The following PHACTR1 variants were observed in gnomAD, a reference collection of about 807,000 sequenced individuals.
PHACTR1 encodes the protein RPEL repeat containing 1.
A neutral mutation model predicts 69.2 loss-of-function variants in PHACTR1; 16 were observed. That is an observed-to-expected ratio of 0.23 (90% CI 0.16 to 0.35). The LOEUF (loss-of-function observed/expected upper bound fraction) is 0.35. Among genes scored for constraint, PHACTR1 ranks in the 10% least tolerant of loss-of-function variants. The pLI, the probability that PHACTR1 is intolerant of heterozygous loss-of-function variation, is 1.00. For synonymous variants in PHACTR1, 312 were observed against 284.5 expected, an observed-to-expected ratio of 1.10 and a Z score of -0.97; for missense variants, 510 against 734.7, an observed-to-expected ratio of 0.69 and a Z score of 3.54.
At chr6:13,191,955 T>G (rs373394726) in intron 7 of PHACTR1, among the ~76,000 whole-genome samples, 4 of 152,360 alleles carry the variant, frequency 2.6e-5, no homozygotes, top group African/African-American at 9.6e-5. Flanking sequence ...TTAAAACAGT[T>G]TTTAAAGGAT....
intron 4 of PHACTR1, among the ~76,000 whole-genome samples, chr6:12,782,946 T>A (rs1257748120): frequency 6.6e-6 from 1 of 152,236 alleles, no homozygotes; most frequent in Non-Finnish European, 1.5e-5. Context: ...GTGTTCAACC[T>A]ATATTATTCC....
chr6:12,774,287 C>T (rs1022329218), intron 4 of PHACTR1, among the ~76,000 whole-genome samples: 8 of 152,122 alleles, frequency 5.3e-5, no homozygotes, highest in African/African-American at 1.7e-4. Flanking sequence ...CTCAACAGCA[C>T]GGTAAACTCC....
At chr6:13,207,552 T>C (rs1766124331) in intron 8 of PHACTR1, among the ~76,000 whole-genome samples, 1 of 152,114 alleles carries the variant, frequency 6.6e-6, no homozygotes. Context: ...TCAAACTGGT[T>C]CTCAATTACT....
At chr6:12,801,250 G>A (rs1554140909) in intron 4 of PHACTR1, among the ~76,000 whole-genome samples, 1 of 152,196 alleles carries the variant, frequency 6.6e-6, no homozygotes, top group Non-Finnish European at 1.5e-5. Flanking sequence ...AATCATAGAA[G>A]AACACCATCT....
intron 10 of PHACTR1, chr6:13,267,599 T>C (rs1776938342): frequency 6.6e-6 from 1 of 152,144 alleles, no homozygotes; most frequent in Non-Finnish European, 1.5e-5. Flanking sequence ...GAGGATATTT[T>C]ATTACATGCC....
intron 10 of PHACTR1, among the ~76,000 whole-genome samples, chr6:13,235,422 A>G (rs541981031): frequency 6.6e-6 from 1 of 152,342 alleles, no homozygotes; most frequent in South Asian, 2.1e-4. Context: ...TACTCCAAAA[A>G]ATCAGTATTA....
intron 4 of PHACTR1, among the ~76,000 whole-genome samples, chr6:12,931,888 G>A (rs1788913943): frequency 6.6e-6 from 1 of 151,850 alleles, no homozygotes; most frequent in South Asian, 2.1e-4. Flanking sequence ...TTGGTACTCA[G>A]ATTTCACTCA....
chr6:12,807,645 C>A (rs7762547), intron 4 of PHACTR1, among the ~76,000 whole-genome samples: 67,200 of 152,030 alleles, frequency 0.44, 15,629 homozygotes, highest in African/African-American at 0.55. Flanking sequence ...CTCTGATCGA[C>A]ACTCTCATAC....
chr6:12,861,573 T>A (rs1375185881), intron 4 of PHACTR1, among the ~76,000 whole-genome samples: 1 of 152,220 alleles, frequency 6.6e-6, no homozygotes, highest in Non-Finnish European at 1.5e-5. Flanking sequence ...GAAGAATAGC[T>A]CAATGAAACA....
chr6:12,896,574 G>C (rs1252152892), intron 4 of PHACTR1, among the ~76,000 whole-genome samples: 1 of 152,090 alleles, frequency 6.6e-6, no homozygotes, highest in African/African-American at 2.4e-5. Flanking sequence ...CAGTGCCATG[G>C]GACAGAAAAC....
intron 4 of PHACTR1, among the ~76,000 whole-genome samples, chr6:12,835,899 T>A (rs888165678): frequency 2.0e-5 from 3 of 152,284 alleles, no homozygotes; most frequent in African/African-American, 7.2e-5. Context: ...AAATTTCACA[T>A]ATACTAATTT....
intron 4 of PHACTR1, among the ~76,000 whole-genome samples, chr6:13,018,344 A>T (rs1044727433): frequency 6.6e-6 from 1 of 152,116 alleles, no homozygotes; most frequent in African/African-American, 2.4e-5. Context: ...TTCACAGCTG[A>T]ATTCTGGAAA....
chr6:12,913,113 C>T (rs767967525), intron 4 of PHACTR1, among the ~76,000 whole-genome samples: 1 of 152,154 alleles, frequency 6.6e-6, no homozygotes, highest in African/African-American at 2.4e-5. Context: ...ACAGAAAAAC[C>T]CAAGGTAGAC....
At chr6:13,236,635 C>G (rs1474034041) in intron 10 of PHACTR1, among the ~76,000 whole-genome samples, 1 of 150,460 alleles carries the variant, frequency 6.6e-6, no homozygotes, top group Non-Finnish European at 1.5e-5. Flanking sequence ...TTCAGATTTC[C>G]CCTTTCTATA....
At position 13,070,320 on chromosome 6, in the gene PHACTR1, A is replaced by G. The variant is rs58469352; in HGVS notation, c.415+16791A>G. ...AAAACTTAATAATTATGTTATTAAT[A>G]TACATTAGCACTACTAGTAACAATG... On this transcript the variant is annotated intron_variant, in intron 5 of 14. Coordinates refer to ENST00000332995, the MANE Select transcript of PHACTR1 (RefSeq NM_030948.6). 1.0e-2 allele frequency among the ~76,000 whole-genome samples: 1,518 copies of G among 152,326 alleles called. 17 individuals carry two copies. Among genetic ancestry groups the G allele is most frequent in the African/African-American group, 0.034 (1,398 of 41,560 alleles).
intron 4 of PHACTR1, among the ~76,000 whole-genome samples, chr6:12,961,697 T>G (rs62386823): frequency 0.082 from 12,455 of 152,250 alleles, 642 homozygotes; most frequent in Middle Eastern, 0.17. Flanking sequence ...GCTGATGTAT[T>G]GGTTGGCTAA....
At chr6:13,227,204 A>G (rs373716119) in intron 8 of PHACTR1, among the ~76,000 whole-genome samples, 3 of 152,260 alleles carry the variant, frequency 2.0e-5, no homozygotes, top group East Asian at 3.9e-4. Context: ...GTCATCGCTA[A>G]CAATGTCATG....
At chr6:13,256,027 TG>T (rs1775147710) in intron 10 of PHACTR1, among the ~76,000 whole-genome samples, 1 of 152,258 alleles carries the variant, frequency 6.6e-6, no homozygotes, top group African/African-American at 2.4e-5. Flanking sequence ...GCTCTGCCCC[TG>T]CAGCAGGCTT....
intron 3 of PHACTR1, among the ~76,000 whole-genome samples, chr6:12,732,958 G>A (rs995928317): frequency 4.6e-5 from 7 of 152,060 alleles, no homozygotes; most frequent in South Asian, 2.1e-4. Flanking sequence ...CTAATACCTC[G>A]TGATCTAATC....
Sources: gnomAD v4.1 joint callset for allele counts (sites outside exome capture counted in the v4.1 genomes callset) on GRCh38, gnomAD v4.1.1 for gene constraint, MANE v1.5 for transcripts, NCBI Gene and HGNC (gene_info 2026-07-23, HGNC 2026-07-21) for gene names.